NPLOC4: variants seen among roughly 807,000 people sequenced by gnomAD.
NPLOC4 encodes the protein NPL4 homolog, ubiquitin recognition factor.
NPLOC4 carries 18 observed loss-of-function variants against 80.6 expected under a neutral mutation model. That is an observed-to-expected ratio of 0.22 (90% CI 0.15 to 0.33). The LOEUF is 0.33. NPLOC4 is among the 10% of genes least tolerant of loss of function. NPLOC4 has a pLI of 1.00. For synonymous variants in NPLOC4, 313 were observed against 301.5 expected (o/e 1.04, Z -0.39); for missense variants, 540 against 786.1 (o/e 0.69, Z 3.74).
intron 12 of NPLOC4, among the ~76,000 whole-genome samples, chr17:81,582,556 A>G (rs961509315): frequency 6.6e-6 from 1 of 152,136 alleles, no homozygotes; most frequent in South Asian, 2.1e-4. Flanking sequence ...CTCATGACAC[A>G]GCACCCGACT....
In NPLOC4 at chr17:81,588,994, A is replaced by G. The variant is rs2034662528; in HGVS notation, c.1231T>C (p.Tyr411His). Residue 411 changes from tyrosine to histidine, a missense_variant, in exon 12 of 17, where the codon TAC becomes CAC. Physicochemically the swap from Tyr to His is moderately conservative, Grantham distance 83 (BLOSUM62 2). Coordinates refer to ENST00000331134, the MANE Select transcript of NPLOC4 (RefSeq NM_017921.4). The stretch of plus-strand genomic sequence containing the variant: ...TGCTCACTGCTAGACTCCTTGGCGT[A>G]GCCAAGCTCCGGGGCGTCCTTGCAT... ...LPCKDAPELGYAKESSSEQYV... is the reference protein window; with the variant it reads ...LPCKDAPELGHAKESSSEQYV... 6.2e-7 allele frequency: 1 copy of G among 1,613,938 alleles called. No individual in the cohort carries two copies. Among genetic ancestry groups the G allele is most frequent in the Admixed American group, 1.7e-5 (1 of 60,010 alleles).
chr17:81,618,217 C>T (rs1342550285), intron 3 of NPLOC4, among the ~76,000 whole-genome samples: 1 of 151,054 alleles, frequency 6.6e-6, no homozygotes, highest in African/African-American at 2.4e-5. Flanking sequence ...GTGAGGAGCG[C>T]CTCTTTCCGG....
intron 12 of NPLOC4, among the ~76,000 whole-genome samples, chr17:81,584,760 G>T (rs2034530538): frequency 6.6e-6 from 1 of 152,170 alleles, no homozygotes; most frequent in Non-Finnish European, 1.5e-5. Context: ...TTTTAAGATA[G>T]TGCTATTTTG....
At chr17:81,620,698 G>A (rs541598537) in intron 3 of NPLOC4, among the ~76,000 whole-genome samples, 7 of 152,214 alleles carry the variant, frequency 4.6e-5, no homozygotes, top group African/African-American at 1.7e-4. Context: ...GAGAAAAAAA[G>A]GCCAAGCAAC....
intron 11 of NPLOC4, among the ~76,000 whole-genome samples, chr17:81,594,056 G>A (rs954567160): frequency 6.6e-5 from 10 of 151,876 alleles, no homozygotes; most frequent in African/African-American, 1.7e-4. Context: ...GGCGGATCAC[G>A]AGGTCAGGAG....
rs539029178 is a variant in NPLOC4 at position 81,577,863 on chromosome 17, G to A, written c.1282-5775C>T. 6.6e-6 allele frequency among the ~76,000 whole-genome samples: 1 copy of A among 152,282 alleles called. No individual in the cohort carries two copies. The highest frequency in any genetic ancestry group is 1.9e-4 in the East Asian group (1 of 5,182). On this transcript the variant is annotated intron_variant, in intron 12 of 16. Coordinates refer to ENST00000331134, the MANE Select transcript of NPLOC4 (RefSeq NM_017921.4). This position sits in a 1 kb window ranked among gnomAD's most constrained non-coding sequence, Gnocchi z 4.3. ...CCATCCTTGTCCCCAAGGCCACAGG[G>A]AACTGACATGTGGCCTGGATTGCCA... is the stretch of plus-strand genomic sequence containing the variant.
Position 81,572,172 on chromosome 17 carries a change from T to TTTAATTAA in NPLOC4, c.1282-92_1282-85dup. ...TTTCACATGCTTGTCTCACCTTTTA[T>TTTAATTAA]TTAATTAATTAATTTATTTATTTAT... On this transcript the variant is annotated intron_variant, in intron 12 of 16. Coordinates refer to ENST00000331134, the MANE Select transcript of NPLOC4 (RefSeq NM_017921.4). This position sits in a 1 kb window ranked among gnomAD's most constrained non-coding sequence, Gnocchi z 4.5. 2 of 590,432 alleles carry TTTAATTAA rather than the reference T, an allele frequency of 3.4e-6. No homozygotes were observed. Among genetic ancestry groups the TTTAATTAA allele is most frequent in the African/African-American group, 2.0e-5 (1 of 50,012 alleles). 36.6% of individuals were successfully genotyped at this position (590,432 alleles called of 1,614,324 possible).
chr17:81,579,945 T>C (rs554637147), intron 12 of NPLOC4, among the ~76,000 whole-genome samples: 18 of 152,154 alleles, frequency 1.2e-4, no homozygotes, highest in African/African-American at 3.1e-4. Context: ...GCTTATCTAC[T>C]ACTCAGCCAG....
rs569052186 is a variant in NPLOC4, at chr17:81,618,902, T to G, written c.209+3264A>C. Reference sequence around the variant, plus strand: ...TTGGGATCCTGTTGATCTATGACCTTACCCCAACCCTGTGCTCTCTGAAAC... The same window carrying G: ...TTGGGATCCTGTTGATCTATGACCTGACCCCAACCCTGTGCTCTCTGAAAC... On this transcript the variant is annotated intron_variant, in intron 3 of 16. Coordinates refer to ENST00000331134, the MANE Select transcript of NPLOC4 (RefSeq NM_017921.4). Among the ~76,000 whole-genome samples, 79 of 152,256 alleles carry G rather than the reference T, an allele frequency of 5.2e-4. 1 individual carries two copies. The South Asian group carries it at 0.016, about 31-fold the overall frequency.
chr17:81,614,655 T>G (rs2035433705), intron 3 of NPLOC4, among the ~76,000 whole-genome samples: 1 of 151,646 alleles, frequency 6.6e-6, no homozygotes, highest in African/African-American at 2.4e-5. Flanking sequence ...ACTTTCAGTC[T>G]GAAGTGTGTT....
chr17:81,636,782 A>C, intron 1 of NPLOC4, 134 bp downstream of exon 1: 5 of 995,716 alleles, frequency 5.0e-6, no homozygotes, highest in Non-Finnish European at 6.5e-6. Flanking sequence ...CAGCCACTAC[A>C]GAGAAAGCCC....
At chr17:81,619,678 A>G (rs1156682461) in intron 3 of NPLOC4, among the ~76,000 whole-genome samples, 1 of 152,060 alleles carries the variant, frequency 6.6e-6, no homozygotes, top group Admixed American at 6.5e-5. Flanking sequence ...CAAGAGATTG[A>G]GATCAGCCTG....
intron 3 of NPLOC4, among the ~76,000 whole-genome samples, chr17:81,613,959 G>A (rs1318451521): frequency 1.3e-5 from 2 of 151,948 alleles, no homozygotes; most frequent in Non-Finnish European, 2.9e-5. Context: ...GCACAGACAC[G>A]CATAGGAGCT....
rs1301006049 is a variant in NPLOC4, at chr17:81,567,574, C to T, written c.1450-41G>A. 8.0e-7 allele frequency: 1 copy of T among 1,256,078 alleles called. No individual in the cohort carries two copies. Among genetic ancestry groups the T allele is most frequent in the Admixed American group, 1.9e-5 (1 of 53,406 alleles). 77.8% of individuals were successfully genotyped at this position (1,256,078 alleles called of 1,614,324 possible). On this transcript the variant is annotated intron_variant, in intron 14 of 16. Coordinates refer to ENST00000331134, the MANE Select transcript of NPLOC4 (RefSeq NM_017921.4). The surrounding 1 kb of genome is among the most constrained non-coding windows in gnomAD (Gnocchi z 4.5). ...TAAACATGAATGTTCCATACAGTTC[C>T]CCAGTGCCAGACCCCGAAACAGAGC...
intron 12 of NPLOC4, among the ~76,000 whole-genome samples, chr17:81,575,525 C>T (rs1164497946): frequency 6.6e-6 from 1 of 152,244 alleles, no homozygotes; most frequent in Admixed American, 6.5e-5. Context: ...CCACTTCGTC[C>T]TCACAAACAC....
intron 11 of NPLOC4, among the ~76,000 whole-genome samples, chr17:81,595,590 G>A (rs555025171): frequency 4.5e-4 from 68 of 150,336 alleles, no homozygotes; most frequent in African/African-American, 1.6e-3. Context: ...TGTCACCCAG[G>A]CTGGAGTGCA....
At chr17:81,624,560 T>C (rs926882969) in intron 2 of NPLOC4, among the ~76,000 whole-genome samples, 1 of 151,826 alleles carries the variant, frequency 6.6e-6, no homozygotes, top group African/African-American at 2.4e-5. Context: ...ATCACGCCAT[T>C]ACACTCTAGC....
intron 10 of NPLOC4, among the ~76,000 whole-genome samples, 188 bp downstream of exon 10, chr17:81,597,057 G>A (rs2034927050): frequency 6.6e-6 from 1 of 152,144 alleles, no homozygotes; most frequent in Admixed American, 6.5e-5. Flanking sequence ...TGCTAGCGGT[G>A]AGCAGAGATT....
chr17:81,627,930 C>T (rs2035837655), intron 2 of NPLOC4, among the ~76,000 whole-genome samples: 1 of 151,562 alleles, frequency 6.6e-6, no homozygotes, highest in South Asian at 2.1e-4. Flanking sequence ...AAAAAGACTC[C>T]ATCTCAAAAA....
Sources: gnomAD v4.1 joint callset for allele counts (sites outside exome capture counted in the v4.1 genomes callset) on GRCh38, gnomAD v4.1.1 for gene constraint, Gnocchi (gnomAD v3.1) non-coding constraint, MANE v1.5 for transcripts, NCBI Gene and HGNC (gene_info 2026-07-23, HGNC 2026-07-21) for gene names.